ARHGAP25: variants seen among roughly 807,000 people sequenced by gnomAD.
ARHGAP25 encodes Rho GTPase activating protein 25, also known as rho GTPase-activating protein 25.
A neutral mutation model predicts 71.0 loss-of-function variants in ARHGAP25; 34 were observed. The ratio of observed to expected loss-of-function variants is 0.48; its 90% CI spans 0.36 to 0.64. The LOEUF is 0.64. Among genes scored for constraint, ARHGAP25 ranks in the 30% least tolerant of loss-of-function variants. The pLI, the probability that ARHGAP25 is intolerant of heterozygous loss-of-function variation, is 0.00. For synonymous variants in ARHGAP25, 282 were observed against 296.5 expected, an observed-to-expected ratio of 0.95 and a Z score of 0.50; for missense variants, 706 against 805.1, an observed-to-expected ratio of 0.88 and a Z score of 1.49.
At chr2:68,792,974 C>CGTAAGGT (rs1194492731) in intron 4 of ARHGAP25, among the ~76,000 whole-genome samples, 1 of 151,996 alleles carries the variant, frequency 6.6e-6, no homozygotes, top group Non-Finnish European at 1.5e-5. Context: ...TTCAGAGTGG[C>CGTAAGGT]GTAAGGTGCG....
intron 4 of ARHGAP25, among the ~76,000 whole-genome samples, chr2:68,804,446 T>G (rs978251833): frequency 3.9e-4 from 59 of 152,364 alleles, no homozygotes; most frequent in African/African-American, 1.3e-3. Flanking sequence ...ATTTCAATCA[T>G]GTCCTATCAA....
chr2:68,711,414 T>A (rs1181115730), intron 2 of ARHGAP25, among the ~76,000 whole-genome samples: 1 of 152,200 alleles, frequency 6.6e-6, no homozygotes, highest in Non-Finnish European at 1.5e-5. Context: ...AGATGGAGTC[T>A]TGCTCTGTCA....
chr2:68,722,858 C>T (rs1347046818), intron 2 of ARHGAP25, among the ~76,000 whole-genome samples: 1 of 152,144 alleles, frequency 6.6e-6, no homozygotes, highest in Non-Finnish European at 1.5e-5. Flanking sequence ...ACGAGTGTCA[C>T]TTGGTGCAGA....
rs1043136936 is a variant in ARHGAP25 at position 68,767,436 on chromosome 2, G to A, written c.62-7785G>A. ...ATGTATGTGTGAATGTGGCAGGGGC[G>A]TTGCGTGTGTGTATGTGTGCGGGGT... is the stretch of plus-strand genomic sequence containing the variant. On this transcript the variant is annotated intron_variant, in intron 1 of 10. Transcript: ENST00000409202. The surrounding 1 kb of genome is among the most constrained non-coding windows in gnomAD (Gnocchi z 4.6). Among the ~76,000 whole-genome samples the A allele has an allele frequency of 1.3e-5, 2 of 152,232 alleles. No individual in the cohort carries two copies. Among genetic ancestry groups the A allele is most frequent in the Non-Finnish European group, 2.9e-5 (2 of 67,996 alleles).
intron 1 of ARHGAP25, among the ~76,000 whole-genome samples, chr2:68,761,144 T>C (rs952031013): frequency 1.3e-5 from 2 of 152,014 alleles, no homozygotes; most frequent in African/African-American, 4.8e-5. Flanking sequence ...GGGGAAAAGA[T>C]TGTCTTTTCA....
rs758672187 is a variant in ARHGAP25 at position 68,787,836 on chromosome 2, C to T, written c.350-4C>T. 1.2e-5 allele frequency: 19 copies of T among 1,613,598 alleles called. No homozygotes were observed. In the South Asian group the frequency reaches 1.9e-4, roughly 16 times the overall value. On this transcript the variant is annotated splice_polypyrimidine_tract_variant and splice_region_variant and intron_variant, in intron 3 of 10. Transcript: ENST00000409202. ...ACCTTCACAAGTGCTAATTCTTCCT[C>T]CAGCCTCATGGGACCAGAATCGCAT... is the stretch of plus-strand genomic sequence containing the variant.
intron 7 of ARHGAP25, among the ~76,000 whole-genome samples, chr2:68,817,548 A>G (rs1210407870): frequency 6.6e-6 from 1 of 152,196 alleles, no homozygotes; most frequent in Non-Finnish European, 1.5e-5. Flanking sequence ...ATCAAGGCAG[A>G]CATGGGTATG....
intron 2 of ARHGAP25, among the ~76,000 whole-genome samples, chr2:68,778,885 CTG>C (rs1236071894): frequency 2.0e-5 from 3 of 152,176 alleles, no homozygotes; most frequent in Admixed American, 6.5e-5. Context: ...ACAAGGCAGT[CTG>C]TGCATTTTTT....
intron 3 of ARHGAP25, among the ~76,000 whole-genome samples, chr2:68,784,349 C>T (rs1176571141): frequency 6.6e-6 from 1 of 152,122 alleles, no homozygotes; most frequent in African/African-American, 2.4e-5. Context: ...ATTTTTAGTT[C>T]CTCTTTTTAT....
At chr2:68,766,926 G>A (rs1677159927) in intron 1 of ARHGAP25, among the ~76,000 whole-genome samples, 1 of 152,152 alleles carries the variant, frequency 6.6e-6, no homozygotes, top group Admixed American at 6.5e-5. Context: ...CCTTTCCAAA[G>A]CAGATTCTTT....
At position 68,822,644 on chromosome 2, in the gene ARHGAP25, C is replaced by A. The variant is rs757341549; in HGVS notation, c.1505C>A (p.Thr502Asn). 5.0e-6 allele frequency: 8 copies of A among 1,614,024 alleles called. No homozygotes were observed. Among genetic ancestry groups the A allele is most frequent in the African/African-American group, 4.0e-5 (3 of 74,934 alleles). Residue 502 changes from threonine (T) to asparagine (N), a missense_variant, in exon 10 of 11, where the codon ACC becomes AAC. By Grantham distance (65) the Thr-to-Asn change is moderately conservative (BLOSUM62 0). Transcript: ENST00000409202. ...RQLSDSQRTS[T>N]YDNVPSLPGS... ...CTTTCTGACTCCCAACGGACTTCCA[C>A]CTACGATAACGTCCCTTCCCTGCCA...
At chr2:68,748,479 G>A (rs1675968103) in intron 1 of ARHGAP25, among the ~76,000 whole-genome samples, 1 of 152,174 alleles carries the variant, frequency 6.6e-6, no homozygotes, top group African/African-American at 2.4e-5. Flanking sequence ...TCTGAAGGCA[G>A]GGCTTTGCCT....
Position 68,813,330 on chromosome 2 carries a change from C to G in ARHGAP25, c.718C>G (p.Leu240Val), listed in dbSNP as rs1195853653. 1 of 1,613,980 alleles carries G rather than the reference C, an allele frequency of 6.2e-7. No homozygotes were observed. The highest frequency in any genetic ancestry group is 8.5e-7 in the Non-Finnish European group (1 of 1,179,996). The change falls in exon 6 of 11, where the codon CTC (leucine) becomes GTC (valine). Residue 240 changes from leucine (L) to valine (V), a missense_variant. Leu to Val is a conservative substitution (Grantham distance 32). Transcript: ENST00000409202. ...TGTGGCTTCCCTGTTAAAGCTCTACCTCCGAGACCTCCCAGAGCCCGTGGT... is the reference window on the plus strand; with the variant it reads ...TGTGGCTTCCCTGTTAAAGCTCTACGTCCGAGACCTCCCAGAGCCCGTGGT... ...HTVASLLKLYLRDLPEPVVPW... is the reference protein window; with the variant it reads ...HTVASLLKLYVRDLPEPVVPW...
intron 1 of ARHGAP25, among the ~76,000 whole-genome samples, chr2:68,736,014 C>T (rs1314514953): frequency 1.3e-5 from 2 of 152,306 alleles, no homozygotes; most frequent in Non-Finnish European, 2.9e-5. Context: ...CAGTAATTCA[C>T]ATCAGAGCAA....
intron 1 of ARHGAP25, among the ~76,000 whole-genome samples, chr2:68,739,327 G>T (rs902372369): frequency 7.2e-5 from 11 of 152,178 alleles, no homozygotes; most frequent in African/African-American, 2.4e-4. Flanking sequence ...CCTGGCGTGG[G>T]TATACATCAC....
At chr2:68,754,673 G>A (rs1195942293) in intron 1 of ARHGAP25, among the ~76,000 whole-genome samples, 1 of 152,122 alleles carries the variant, frequency 6.6e-6, no homozygotes, top group Non-Finnish European at 1.5e-5. Context: ...TTTCCCAGAG[G>A]GGCTGTATCA....
chr2:68,773,640 C>T (rs1487619430), intron 1 of ARHGAP25, among the ~76,000 whole-genome samples: 1 of 152,070 alleles, frequency 6.6e-6, no homozygotes, highest in Non-Finnish European at 1.5e-5. Flanking sequence ...CACGTATACC[C>T]CCTGAATATA....
chr2:68,788,597 C>T (rs1282077453), intron 4 of ARHGAP25, among the ~76,000 whole-genome samples: 1 of 152,044 alleles, frequency 6.6e-6, no homozygotes, highest in Non-Finnish European at 1.5e-5. Flanking sequence ...TGAGGAGGGT[C>T]CTGACTAAAG....
intron 1 of ARHGAP25, among the ~76,000 whole-genome samples, chr2:68,769,700 T>A (rs572107547): frequency 6.6e-6 from 1 of 151,960 alleles, no homozygotes; most frequent in South Asian, 2.1e-4. Flanking sequence ...AGCAACTAAG[T>A]CTGGCAGGGC....
Sources: allele counts gnomAD v4.1 joint callset (sites outside exome capture counted in the v4.1 genomes callset), GRCh38; gene constraint gnomAD v4.1.1; non-coding constraint Gnocchi (gnomAD v3.1); transcripts MANE v1.5; gene names NCBI Gene and HGNC (gene_info 2026-07-23, HGNC 2026-07-21).